SUGCT: variants seen among roughly 807,000 people sequenced by gnomAD.
SUGCT encodes the protein succinyl-CoA:glutarate CoA-transferase.
SUGCT carries 41 observed loss-of-function variants against 55.0 expected under a neutral mutation model. That is an observed-to-expected ratio of 0.74 (90% CI 0.58 to 0.97). The LOEUF (loss-of-function observed/expected upper bound fraction) is 0.97. Ranked by LOEUF, SUGCT falls within the 50% of genes least tolerant of loss-of-function variation. The pLI is 0.00. For missense variants in SUGCT, 568 were observed against 547.8 expected, an observed-to-expected ratio of 1.04 and a Z score of -0.37; for synonymous variants, 187 against 200.4, an observed-to-expected ratio of 0.93 and a Z score of 0.56.
chr7:40,673,057 A>G (rs1205965156), intron 12 of SUGCT, among the ~76,000 whole-genome samples: 1 of 152,184 alleles, frequency 6.6e-6, no homozygotes, highest in African/African-American at 2.4e-5. Context: ...CTTTTAAACC[A>G]CAATATTTAG....
chr7:40,248,915 C>CAT (rs1278963131), intron 7 of SUGCT, among the ~76,000 whole-genome samples: 1 of 147,044 alleles, frequency 6.8e-6, no homozygotes, highest in Non-Finnish European at 1.5e-5. Flanking sequence ...CACACGCACA[C>CAT]ACACACACAC....
chr7:40,698,322 T>C (rs1584293922), intron 12 of SUGCT, among the ~76,000 whole-genome samples: 1 of 152,306 alleles, frequency 6.6e-6, no homozygotes, highest in East Asian at 1.9e-4. Context: ...CCAGACTTAG[T>C]GGCCCAAAGT....
intron 13 of SUGCT, among the ~76,000 whole-genome samples, chr7:40,781,225 C>T: frequency 6.6e-6 from 1 of 152,124 alleles, no homozygotes; most frequent in East Asian, 1.9e-4. Context: ...CTTATTATCT[C>T]TGTATTCTTA....
intron 12 of SUGCT, among the ~76,000 whole-genome samples, chr7:40,704,715 A>G (rs1327704053): frequency 6.6e-6 from 1 of 152,212 alleles, no homozygotes; most frequent in Non-Finnish European, 1.5e-5. Flanking sequence ...AATAACAACG[A>G]TGACAACAAC....
At chr7:40,745,677 C>G (rs914213706) in intron 12 of SUGCT, among the ~76,000 whole-genome samples, 2 of 151,968 alleles carry the variant, frequency 1.3e-5, no homozygotes, top group African/African-American at 4.8e-5. Flanking sequence ...GCTACTAAAC[C>G]ATGAAAGACC....
In SUGCT at chr7:40,767,663, T is replaced by A. The variant is rs534175122; in HGVS notation, c.1153+18166T>A. On this transcript the variant is annotated intron_variant, in intron 13 of 13. Coordinates refer to ENST00000335693, the MANE Select transcript of SUGCT (RefSeq NM_001193313.2). ...TGGTGTCAGAAGATTTAGCAAGAGATGAAAAGGTGCCCTGATAGGCAGTGG... is the reference window on the plus strand; with the variant it reads ...TGGTGTCAGAAGATTTAGCAAGAGAAGAAAAGGTGCCCTGATAGGCAGTGG... 3.3e-5 allele frequency among the ~76,000 whole-genome samples: 5 copies of A among 152,204 alleles called. No individual in the cohort carries two copies. In the South Asian group the frequency reaches 8.3e-4, roughly 25 times the overall value.
intron 6 of SUGCT, among the ~76,000 whole-genome samples, chr7:40,198,331 C>G (rs144929366): frequency 6.6e-6 from 1 of 152,294 alleles, no homozygotes; most frequent in East Asian, 1.9e-4. Flanking sequence ...CATACTTAGA[C>G]ATATCAATAA....
chr7:40,982,814 AT>A, the SUGCT span, among the ~76,000 whole-genome samples: 1 of 151,876 alleles, frequency 6.6e-6, no homozygotes, highest in African/African-American at 2.4e-5. Flanking sequence ...TGCCCAGCTA[AT>A]TTTTTGTATT....
intron 1 of SUGCT, among the ~76,000 whole-genome samples, chr7:40,159,133 C>T (rs914433354): frequency 7.2e-5 from 11 of 152,026 alleles, no homozygotes; most frequent in Admixed American, 5.9e-4. Flanking sequence ...TTGCTGAGGC[C>T]GGTCTCCAAT....
intron 12 of SUGCT, among the ~76,000 whole-genome samples, chr7:40,713,324 C>T (rs574061732): frequency 6.6e-6 from 1 of 152,260 alleles, no homozygotes; most frequent in East Asian, 1.9e-4. Flanking sequence ...TCAGACAGTG[C>T]CTCTCCTGTG....
In SUGCT at chr7:40,484,457, G is replaced by A. The variant is rs12537509; in HGVS notation, c.987-11827G>A. Among the ~76,000 whole-genome samples the A allele has an allele frequency of 8.2e-3, 1,242 of 152,230 alleles. 47 individuals carry two copies. The highest frequency in any genetic ancestry group is 0.059 in the Admixed American group (897 of 15,280). ...AGTGCTCCCAAGTGGCCTTGGGGGC[G>A]GACAGTAGCTCAATTGCCAGTGGCC... On this transcript the variant is annotated intron_variant, in intron 11 of 13. Coordinates refer to ENST00000335693, the MANE Select transcript of SUGCT (RefSeq NM_001193313.2).
intron 12 of SUGCT, among the ~76,000 whole-genome samples, chr7:40,637,824 T>A (rs1346960977): frequency 6.6e-6 from 1 of 152,212 alleles, no homozygotes; most frequent in Non-Finnish European, 1.5e-5. Flanking sequence ...ATTGGAAGAT[T>A]TTTTAGTATG....
At position 40,404,217 on chromosome 7, in the gene SUGCT, C is replaced by T. The variant is rs111318311; in HGVS notation, c.817-45070C>T. Among the ~76,000 whole-genome samples the T allele has an allele frequency of 8.0e-3, 1,225 of 152,236 alleles. 16 individuals are homozygous for T. The highest frequency in any genetic ancestry group is 0.028 in the African/African-American group (1,164 of 41,538). On this transcript the variant is annotated intron_variant, in intron 9 of 13. Transcript: ENST00000335693. The stretch of plus-strand genomic sequence containing the variant: ...GAGCAAGTTGCCCAGTTTTGCTGGG[C>T]TTCAGTTTCCTCATCAGAGAGAAAA...
At chr7:40,177,023 C>T (rs1784961541) in intron 1 of SUGCT, among the ~76,000 whole-genome samples, 1 of 151,456 alleles carries the variant, frequency 6.6e-6, no homozygotes, top group South Asian at 2.1e-4. Context: ...TATGCATGCC[C>T]TTTCCATCCT....
intron 7 of SUGCT, among the ~76,000 whole-genome samples, chr7:40,241,323 A>C (rs1396356685): frequency 6.6e-6 from 1 of 152,218 alleles, no homozygotes; most frequent in Non-Finnish European, 1.5e-5. Flanking sequence ...TCACGCCTGT[A>C]ATCCCAGCAC....
chr7:40,617,528 C>T (rs930861528), intron 12 of SUGCT, among the ~76,000 whole-genome samples: 3 of 149,214 alleles, frequency 2.0e-5, no homozygotes, highest in East Asian at 4.0e-4. Flanking sequence ...TTTTCTTACT[C>T]GTTGACTTGC....
intron 12 of SUGCT, among the ~76,000 whole-genome samples, chr7:40,723,804 A>G (rs1470215901): frequency 6.6e-6 from 1 of 152,198 alleles, no homozygotes; most frequent in Non-Finnish European, 1.5e-5. Flanking sequence ...GCCCTTAACC[A>G]CTATACATCA....
intron 12 of SUGCT, among the ~76,000 whole-genome samples, chr7:40,586,003 T>C (rs1584055622): frequency 6.6e-6 from 1 of 152,136 alleles, no homozygotes; most frequent in Non-Finnish European, 1.5e-5. Context: ...CAATGACTTA[T>C]TATTTTTTTT....
At chr7:40,513,684 C>T (rs947474028) in intron 12 of SUGCT, among the ~76,000 whole-genome samples, 1 of 151,784 alleles carries the variant, frequency 6.6e-6, no homozygotes, top group African/African-American at 2.4e-5. Context: ...AAGTGACCTT[C>T]GTCCTGAAGA....
Sources: allele counts gnomAD v4.1 joint callset (sites outside exome capture counted in the v4.1 genomes callset), GRCh38; gene constraint gnomAD v4.1.1; transcripts MANE v1.5; gene names NCBI Gene and HGNC (gene_info 2026-07-23, HGNC 2026-07-21).